The following PTCH1 variants were observed in gnomAD, a reference collection of about 807,000 sequenced individuals.
PTCH1 encodes patched 1.
In PTCH1, 14 loss-of-function variants were observed where a neutral mutation model predicts 144.6. The observed-to-expected ratio is 0.10, with a 90% CI of 0.06 to 0.15. The LOEUF (loss-of-function observed/expected upper bound fraction) is 0.15, where lower values mean the gene tolerates loss of function less well. PTCH1 is among the 10% of genes least tolerant of loss of function. The pLI, the probability that PTCH1 is intolerant of heterozygous loss-of-function variation, is 1.00. For synonymous variants in PTCH1, 833 were observed against 793.6 expected, an observed-to-expected ratio of 1.05 and a Z score of -0.83; for missense variants, 1,623 against 1,948.3, an observed-to-expected ratio of 0.83 and a Z score of 3.14.
chr9:95,506,270 C>T lies in PTCH1; in HGVS notation c.394+137G>A, dbSNP rs1488206618. The T allele has an allele frequency of 8.4e-6, 9 of 1,069,044 alleles. No homozygotes were observed. In the East Asian group the frequency reaches 2.4e-4, roughly 28 times the overall value. The allele number at this position is 1,069,044 out of a possible 1,614,324, so 66.2% of individuals were successfully genotyped here. A position where few individuals can be genotyped will look rare whatever the true frequency, so the allele number is the denominator to read the frequency against. ...CCTGGCTCCCGGCCAGGCGCCCAAA[C>T]AATAAACAATCCCCCGGGTGCGGGC... On this transcript the variant is annotated intron_variant, in intron 2 of 23. Coordinates refer to ENST00000331920, the MANE Select transcript of PTCH1 (RefSeq NM_000264.5).
Position 95,462,053 on chromosome 9 carries a change from G to GTCC in PTCH1, c.2561-58_2561-56dup. On this transcript the variant is annotated intron_variant, in intron 15 of 23. Transcript: ENST00000331920. The stretch of plus-strand genomic sequence containing the variant: ...ATAACTCGCAGCCAGAAGGACCCTG[G>GTCC]TCCTAGCGGGGTGGGCTGAGGAGAC... The GTCC allele has an allele frequency of 4.3e-6, 7 of 1,609,460 alleles. No homozygotes were observed. In the South Asian group the frequency reaches 7.7e-5, roughly 18 times the overall value.
intron 2 of PTCH1, chr9:95,494,205 A>T: frequency 1.0e-6 from 1 of 985,500 alleles, no homozygotes; most frequent in African/African-American, 1.7e-5. Context: ...TGGCAGTGCC[A>T]TCTGTTATCA....
upstream of PTCH1, among the ~76,000 whole-genome samples, chr9:95,511,188 C>A (rs1247807868): frequency 3.3e-5 from 5 of 150,518 alleles, no homozygotes; most frequent in Non-Finnish European, 5.9e-5. Context: ...GGGCGGTCCA[C>A]GCGGCTCCCG....
At chr9:95,499,032 T>C (rs906560016) in intron 2 of PTCH1, among the ~76,000 whole-genome samples, 3 of 152,118 alleles carry the variant, frequency 2.0e-5, no homozygotes, top group East Asian at 1.9e-4. Flanking sequence ...GGGAAAGCCA[T>C]GGTTTGTGCT....
chr9:95,461,853 T>C lies in PTCH1; in HGVS notation c.2703+3A>G. 6.2e-7 allele frequency: 1 copy of C among 1,614,062 alleles called. No homozygotes were observed. Among genetic ancestry groups the C allele is most frequent in the Non-Finnish European group, 8.5e-7 (1 of 1,180,010 alleles). On this transcript the variant is annotated splice_donor_region_variant and intron_variant, in intron 16 of 23. Coordinates refer to ENST00000331920, the MANE Select transcript of PTCH1 (RefSeq NM_000264.5). ...CGCCCTCAGTGCCCAGCAGCTGGAG[T>C]ACCTGGCTGATGTCGATGGGCTTAT...
chr9:95,498,345 G>A (rs1842925084), intron 2 of PTCH1, among the ~76,000 whole-genome samples: 1 of 152,170 alleles, frequency 6.6e-6, no homozygotes, highest in African/African-American at 2.4e-5. Flanking sequence ...TTCTGGATTA[G>A]AAATAAGGTC....
At chr9:95,506,911 A>C in intron 1 of PTCH1, 1 of 1,093,862 alleles carries the variant, frequency 9.1e-7, no homozygotes, top group Non-Finnish European at 1.1e-6. Context: ...AGAGGAGAGA[A>C]ACCACTCGAC....
chr9:95,474,195 G>A (rs1331575412), intron 12 of PTCH1: 2 of 371,762 alleles, frequency 5.4e-6, no homozygotes, highest in African/African-American at 2.1e-5. Context: ...GAAGGAGTAT[G>A]AGCAGATACA....
chr9:95,513,926 C>T (rs1257322487), upstream of PTCH1: 3 of 152,108 alleles, frequency 2.0e-5, no homozygotes, highest in Non-Finnish European at 1.5e-5. Context: ...CCTAACTCCA[C>T]AAAGGAGTAA....
intron 2 of PTCH1, among the ~76,000 whole-genome samples, chr9:95,502,351 C>T (rs1463976490): frequency 6.6e-6 from 1 of 152,218 alleles, no homozygotes; most frequent in Non-Finnish European, 1.5e-5. Context: ...GAGACTGTGG[C>T]TTTTCACCAA....
In PTCH1 at chr9:95,476,306, A is replaced by C; in HGVS notation, c.1603-147T>G. ...TTAGGGAAACAGAGCCACCTGCCTT[A>C]CCCCCTAACACCAGCATTATTCAGT... is the stretch of plus-strand genomic sequence containing the variant. On this transcript the variant is annotated intron_variant, in intron 11 of 23. Transcript: ENST00000331920. This position sits in a 1 kb window ranked among gnomAD's most constrained non-coding sequence, Gnocchi z 4.6. 1.8e-6 allele frequency: 2 copies of C among 1,084,326 alleles called. No homozygotes were observed. The highest frequency in any genetic ancestry group is 2.2e-4 in the Middle Eastern group (1 of 4,452). 67.2% of individuals were successfully genotyped at this position (1,084,326 alleles called of 1,614,324 possible). A position where few individuals can be genotyped will look rare whatever the true frequency, so the allele number is the denominator to read the frequency against.
At position 95,445,928 on chromosome 9, in the gene PTCH1, T is replaced by C. The variant is rs1249872252; in HGVS notation, c.*465A>G. 1.2e-5 allele frequency: 2 copies of C among 160,430 alleles called. No individual in the cohort carries two copies. The highest frequency in any genetic ancestry group is 2.8e-5 in the Non-Finnish European group (2 of 72,308). 9.9% of individuals were successfully genotyped at this position (160,430 alleles called of 1,614,324 possible). Reference sequence around the variant, plus strand: ...AGTAACATTTCATACTACCACAGGGTTGTGATATGCAAATTTAAAATATTT... The same window carrying C: ...AGTAACATTTCATACTACCACAGGGCTGTGATATGCAAATTTAAAATATTT... On this transcript the variant is annotated 3_prime_UTR_variant, in exon 24 of 24. Coordinates refer to ENST00000331920, the MANE Select transcript of PTCH1 (RefSeq NM_000264.5).
chr9:95,465,532 C>T (rs186579882), intron 15 of PTCH1, among the ~76,000 whole-genome samples: 1 of 152,250 alleles, frequency 6.6e-6, no homozygotes, highest in East Asian at 1.9e-4. Context: ...TTCTCTGTAC[C>T]TTCCTCCAAA....
chr9:95,506,223 A>T (rs1243463279), intron 2 of PTCH1, 184 bp downstream of exon 2: 28 of 663,400 alleles, frequency 4.2e-5, no homozygotes, highest in Non-Finnish European at 6.4e-5. Flanking sequence ...AGTAGATTAC[A>T]GCGCGGCCTT....
rs1841405475 is a variant in PTCH1, at chr9:95,480,028, G to A, written c.1008C>T (p.His336=). Residue 336 remains histidine, a synonymous_variant, in exon 7 of 24, where the codon CAC becomes CAT. Transcript: ENST00000331920. ...GCHGLSRKYM[H]WQEELIVGGT... ...CACCCACAATCAACTCCTCCTGCCA[G>A]TGCATATACTTTCTGGATAAGCCAT... 1 of 1,614,068 alleles carries A rather than the reference G, an allele frequency of 6.2e-7. No homozygotes were observed. Among genetic ancestry groups the A allele is most frequent in the East Asian group, 2.2e-5 (1 of 44,862 alleles).
chr9:95,511,293 C>T (rs1340962384), upstream of PTCH1, among the ~76,000 whole-genome samples: 2 of 152,010 alleles, frequency 1.3e-5, no homozygotes, highest in South Asian at 2.1e-4. Flanking sequence ...CCTTCTCCTT[C>T]CTCCCTCGCC....
chr9:95,453,453 T>C (rs1448772965), intron 20 of PTCH1, 25 bp downstream of exon 20: 6 of 1,613,606 alleles, frequency 3.7e-6, no homozygotes, highest in Non-Finnish European at 5.1e-6. Context: ...TTCTAAAACA[T>C]GTCTCCTTGC....
chr9:95,478,256 CT>C, intron 8 of PTCH1, 70 bp from the exon 9 acceptor site: 1 of 1,604,184 alleles, frequency 6.2e-7, no homozygotes. Context: ...CAGCACAGAT[CT>C]CAGGTGACAC....
At position 95,449,471 on chromosome 9, in the gene PTCH1, C is replaced by T; in HGVS notation, c.3550-148G>A. 1 of 1,153,244 alleles carries T rather than the reference C, an allele frequency of 8.7e-7. No homozygotes were observed. The allele number at this position is 1,153,244 out of a possible 1,614,324, so 71.4% of individuals were successfully genotyped here. On this transcript the variant is annotated intron_variant, in intron 21 of 23. Coordinates refer to ENST00000331920, the MANE Select transcript of PTCH1 (RefSeq NM_000264.5). This position sits in a 1 kb window ranked among gnomAD's most constrained non-coding sequence, Gnocchi z 5.3. ...GCCGTATTAACCTCCCCTTCTCTAC[C>T]ACCTGGAGGACCTTCAGGTCCCGCA...
Sources: gnomAD v4.1 joint callset for allele counts (sites outside exome capture counted in the v4.1 genomes callset) on GRCh38, gnomAD v4.1.1 for gene constraint, Gnocchi (gnomAD v3.1) non-coding constraint, MANE v1.5 for transcripts, NCBI Gene and HGNC (gene_info 2026-07-23, HGNC 2026-07-21) for gene names.